Variants in CHRM2 observed in about 807,000 individuals in gnomAD.
CHRM2 encodes cholinergic receptor muscarinic 2.
In CHRM2, 8 loss-of-function variants were observed where a neutral mutation model predicts 25.0. The observed-to-expected ratio is 0.32, with a 90% CI of 0.19 to 0.58. The LOEUF is 0.58. Ranked by LOEUF, CHRM2 falls within the 20% of genes least tolerant of loss-of-function variation. CHRM2 has a pLI of 0.88. For synonymous variants in CHRM2, 202 were observed against 205.7 expected, an observed-to-expected ratio of 0.98 and a Z score of 0.15; for missense variants, 440 against 567.1, an observed-to-expected ratio of 0.78 and a Z score of 2.28.
chr7:136,923,645 C>T (rs1563068723), intron 2 of CHRM2, among the ~76,000 whole-genome samples: 1 of 152,116 alleles, frequency 6.6e-6, no homozygotes, highest in Non-Finnish European at 1.5e-5. Flanking sequence ...TGTGCATATA[C>T]CATGTATCCT....
At chr7:136,933,295 T>C (rs947310207) in intron 2 of CHRM2, among the ~76,000 whole-genome samples, 13 of 152,222 alleles carry the variant, frequency 8.5e-5, no homozygotes, top group African/African-American at 2.9e-4. Context: ...GATAAACAAA[T>C]GGTTATTAAG....
At chr7:136,951,901 C>T (rs189294561) in intron 2 of CHRM2, among the ~76,000 whole-genome samples, 1 of 152,228 alleles carries the variant, frequency 6.6e-6, no homozygotes, top group Admixed American at 6.5e-5. Flanking sequence ...TATTTTCTTC[C>T]TGCTCTTTTC....
At chr7:137,000,727 C>A (rs1249881499) in intron 3 of CHRM2, among the ~76,000 whole-genome samples, 1 of 150,922 alleles carries the variant, frequency 6.6e-6, no homozygotes, top group Non-Finnish European at 1.5e-5. Flanking sequence ...TCTGTCTGTT[C>A]ACCTTTTTTT....
In CHRM2 at chr7:137,016,077, T is replaced by C. The variant is rs1396704780; in HGVS notation, c.1212T>C (p.Asn404=). The change falls in exon 4 of 4, where the codon AAT becomes AAC. Residue 404 remains asparagine (N), a synonymous_variant. Coordinates refer to ENST00000680005, the MANE Select transcript of CHRM2 (RefSeq NM_001006630.2). The part of the protein sequence containing the change: ...LAFIITWAPY[N]VMVLINTFCA... ...TCATCATCACTTGGGCCCCATACAA[T>C]GTCATGGTGCTCATTAACACCTTTT... is the stretch of plus-strand genomic sequence containing the variant. 3.1e-6 allele frequency: 5 copies of C among 1,612,496 alleles called. No individual in the cohort carries two copies. Among genetic ancestry groups the C allele is most frequent in the Non-Finnish European group, 4.2e-6 (5 of 1,179,158 alleles).
chr7:136,877,339 C>T (rs1033206015), intron 2 of CHRM2, among the ~76,000 whole-genome samples: 22 of 152,020 alleles, frequency 1.4e-4, no homozygotes, highest in African/African-American at 5.1e-4. Flanking sequence ...GACACAGTCC[C>T]ATTTGCATAC....
chr7:136,978,793 T>C (rs1802284348), intron 2 of CHRM2, among the ~76,000 whole-genome samples: 1 of 152,222 alleles, frequency 6.6e-6, no homozygotes, highest in African/African-American at 2.4e-5. Flanking sequence ...TTATTTTTTA[T>C]GGCTGCATAG....
Position 136,988,718 on chromosome 7 carries a change from C to CA in CHRM2, c.-124-3464dup, listed in dbSNP as rs986238556. Among the ~76,000 whole-genome samples, 23 of 152,080 alleles carry CA rather than the reference C, an allele frequency of 1.5e-4. 1 individual carries two copies. Among genetic ancestry groups the CA allele is most frequent in the African/African-American group, 5.3e-4 (22 of 41,498 alleles). ...GCCAATGCTTGCCTAAGAAAATCAGCAAAAATGAGATAATAAAGCACCAAG... is the reference window on the plus strand; with the variant it reads ...GCCAATGCTTGCCTAAGAAAATCAGCAAAAAATGAGATAATAAAGCACCAAG... On this transcript the variant is annotated intron_variant, in intron 2 of 3. Transcript: ENST00000680005.
intron 2 of CHRM2, among the ~76,000 whole-genome samples, chr7:136,984,723 C>T (rs1343318767): frequency 6.6e-6 from 1 of 152,074 alleles, no homozygotes; most frequent in African/African-American, 2.4e-5. Flanking sequence ...CCTTGCACTT[C>T]CTGGGTGAGG....
intron 2 of CHRM2, among the ~76,000 whole-genome samples, chr7:136,875,807 C>A (rs1451227109): frequency 2.6e-5 from 4 of 152,166 alleles, no homozygotes; most frequent in Non-Finnish European, 5.9e-5. Context: ...AGGAAAGAAT[C>A]CATGCACATA....
At chr7:136,878,438 G>A (rs1765647181) in intron 2 of CHRM2, among the ~76,000 whole-genome samples, 1 of 151,776 alleles carries the variant, frequency 6.6e-6, no homozygotes, top group Admixed American at 6.6e-5. Flanking sequence ...ATTCTCTCTG[G>A]CAACTGGGTA....
chr7:136,996,049 A>G (rs1426308707), intron 3 of CHRM2, among the ~76,000 whole-genome samples: 1 of 151,964 alleles, frequency 6.6e-6, no homozygotes, highest in East Asian at 1.9e-4. Context: ...AAATGGTAGA[A>G]CCACATTTCA....
At chr7:136,915,664 G>T (rs759866576) in intron 2 of CHRM2, among the ~76,000 whole-genome samples, 1 of 151,650 alleles carries the variant, frequency 6.6e-6, no homozygotes, top group African/African-American at 2.4e-5. Context: ...TGAGAGAGAG[G>T]GTTATGTTGG....
chr7:136,869,486 C>T lies in CHRM2; in HGVS notation c.-125+68C>T, dbSNP rs985982883. On this transcript the variant is annotated intron_variant, in intron 2 of 3. Transcript: ENST00000680005. This position sits in a 1 kb window ranked among gnomAD's most constrained non-coding sequence, Gnocchi z 4.9. Reference sequence around the variant, plus strand: ...AGGGCCCTGGCACCAGGGGGTCTCTCCCTTCATATCCCCCCAAGCCGGAGG... The same window carrying T: ...AGGGCCCTGGCACCAGGGGGTCTCTTCCTTCATATCCCCCCAAGCCGGAGG... The T allele has an allele frequency of 6.6e-6, 1 of 152,312 alleles. No homozygotes were observed. The highest frequency in any genetic ancestry group is 6.5e-5 in the Admixed American group (1 of 15,280). The allele number at this position is 152,312 out of a possible 1,614,324, so 9.4% of individuals were successfully genotyped here.
chr7:136,892,405 C>T (rs897307912), intron 2 of CHRM2, among the ~76,000 whole-genome samples: 14 of 151,894 alleles, frequency 9.2e-5, no homozygotes, highest in East Asian at 5.8e-4. Context: ...TCATACTTGG[C>T]GGTCTCTGAA....
intron 2 of CHRM2, among the ~76,000 whole-genome samples, chr7:136,919,042 C>A (rs1798278459): frequency 6.6e-6 from 1 of 152,052 alleles, no homozygotes; most frequent in African/African-American, 2.4e-5. Context: ...TAAAGTGCAA[C>A]GTGGCAGAAA....
intron 3 of CHRM2, among the ~76,000 whole-genome samples, chr7:136,998,093 T>C (rs1803724947): frequency 6.6e-6 from 1 of 152,198 alleles, no homozygotes; most frequent in African/African-American, 2.4e-5. Context: ...GATCTCTTGC[T>C]CCAATGCTAC....
intron 2 of CHRM2, among the ~76,000 whole-genome samples, chr7:136,881,650 T>C (rs1796270039): frequency 1.3e-5 from 2 of 152,050 alleles, no homozygotes; most frequent in South Asian, 2.1e-4. Context: ...CATTGTTTCT[T>C]AGCATCTTGT....
intron 2 of CHRM2, among the ~76,000 whole-genome samples, chr7:136,930,602 A>T (rs1390541499): frequency 2.6e-5 from 4 of 151,986 alleles, no homozygotes; most frequent in African/African-American, 9.7e-5. Flanking sequence ...GGAAAAAAAA[A>T]AATGGATAGA....
At chr7:136,980,271 T>C (rs960187185) in intron 2 of CHRM2, among the ~76,000 whole-genome samples, 6 of 152,320 alleles carry the variant, frequency 3.9e-5, no homozygotes, top group African/African-American at 1.4e-4. Flanking sequence ...TATAGGAATC[T>C]TGTGATTTTT....
Sources: gnomAD v4.1 joint callset for allele counts (sites outside exome capture counted in the v4.1 genomes callset) on GRCh38, gnomAD v4.1.1 for gene constraint, Gnocchi (gnomAD v3.1) non-coding constraint, MANE v1.5 for transcripts, NCBI Gene and HGNC (gene_info 2026-07-23, HGNC 2026-07-21) for gene names.